PLXNA4: variants seen among roughly 807,000 people sequenced by gnomAD.
The protein encoded by PLXNA4 is plexin A4, also known as plexin-A4.
In PLXNA4, 44 loss-of-function variants were observed where a neutral mutation model predicts 191.8. The ratio of observed to expected loss-of-function variants is 0.23; its 90% CI spans 0.18 to 0.29. PLXNA4 has a LOEUF of 0.29. Ranked by LOEUF, PLXNA4 falls within the 10% of genes least tolerant of loss-of-function variation. PLXNA4 has a pLI of 1.00. For synonymous variants in PLXNA4, 1,082 were observed against 1,009.5 expected (o/e 1.07, Z -1.36); for missense variants, 1,800 against 2,488.8 (o/e 0.72, Z 5.89).
rs1003442351 is a variant in PLXNA4, at chr7:132,126,204, T to A, written c.*4275A>T. The A allele has an allele frequency of 2.0e-5, 3 of 152,418 alleles. No individual in the cohort carries two copies. The highest frequency in any genetic ancestry group is 4.4e-5 in the Non-Finnish European group (3 of 68,244). 9.4% of individuals were successfully genotyped at this position (152,418 alleles called of 1,614,324 possible). On this transcript the variant is annotated 3_prime_UTR_variant, in exon 32 of 32. Coordinates refer to ENST00000321063, the MANE Select transcript of PLXNA4 (RefSeq NM_020911.2). ...CTCTGGAAACAGTGGTAAGGATTCTTCTTGCAGTGGAGGTCATTTGGGAAG... is the reference window on the plus strand; with the variant it reads ...CTCTGGAAACAGTGGTAAGGATTCTACTTGCAGTGGAGGTCATTTGGGAAG...
At chr7:132,178,223 G>T (rs1370209411) in intron 20 of PLXNA4, among the ~76,000 whole-genome samples, 1 of 152,110 alleles carries the variant, frequency 6.6e-6, no homozygotes, top group Non-Finnish European at 1.5e-5. Flanking sequence ...GTCATGTTAA[G>T]ACACCCCCAG....
chr7:132,561,914 A>C (rs192312169), intron 1 of PLXNA4, among the ~76,000 whole-genome samples: 3,109 of 29,448 alleles, frequency 0.11, 5 homozygotes, highest in Non-Finnish European at 0.12. Context: ...TCTCCTCCTT[A>C]TCCTCCTCCT....
At chr7:132,194,213 C>T in intron 13 of PLXNA4, 34 bp from the exon 14 acceptor site, 2 of 1,592,932 alleles carry the variant, frequency 1.3e-6, no homozygotes, top group Non-Finnish European at 1.7e-6. Flanking sequence ...CCATGGGTCA[C>T]AGGACTTCCA....
At chr7:132,265,631 A>T (rs117623808) in intron 4 of PLXNA4, among the ~76,000 whole-genome samples, 3,480 of 152,258 alleles carry the variant, frequency 0.023, 69 homozygotes, top group Middle Eastern at 0.048. Flanking sequence ...GTATTTATGA[A>T]TCCCTGAATC....
chr7:132,190,889 C>T (rs1584820506), intron 14 of PLXNA4, among the ~76,000 whole-genome samples: 1 of 152,126 alleles, frequency 6.6e-6, no homozygotes, highest in Non-Finnish European at 1.5e-5. Context: ...AGCCACTGAG[C>T]GGTGTGATGC....
chr7:132,593,436 G>A (rs1802642275), intron 2 of PLXNA4, among the ~76,000 whole-genome samples: 1 of 152,208 alleles, frequency 6.6e-6, no homozygotes, highest in South Asian at 2.1e-4. Flanking sequence ...CCCTGGGTGT[G>A]TCCATCATGG....
chr7:132,594,769 T>G (rs1436230076), intron 2 of PLXNA4, among the ~76,000 whole-genome samples: 3 of 152,178 alleles, frequency 2.0e-5, no homozygotes, highest in Admixed American at 6.6e-5. Flanking sequence ...GGGACCCTGC[T>G]GGACTCCATC....
chr7:132,408,465 T>C (rs1160778458), intron 3 of PLXNA4, among the ~76,000 whole-genome samples: 1 of 151,876 alleles, frequency 6.6e-6, no homozygotes, highest in East Asian at 1.9e-4. Flanking sequence ...TATTTATTTA[T>C]TTATTTATTT....
intron 1 of PLXNA4, among the ~76,000 whole-genome samples, chr7:132,572,234 T>C (rs1041893790): frequency 2.0e-5 from 3 of 152,218 alleles, no homozygotes; most frequent in African/African-American, 7.2e-5. Context: ...ACAAAGTCTT[T>C]AACCTCCTGC....
At chr7:132,306,528 T>C (rs975311611) in intron 3 of PLXNA4, among the ~76,000 whole-genome samples, 12 of 152,208 alleles carry the variant, frequency 7.9e-5, no homozygotes, top group African/African-American at 9.6e-5. Flanking sequence ...ATTTGGATCA[T>C]AGATATGCAG....
intron 25 of PLXNA4, among the ~76,000 whole-genome samples, chr7:132,152,667 C>T (rs1171107099): frequency 6.6e-6 from 1 of 152,178 alleles, no homozygotes; most frequent in Non-Finnish European, 1.5e-5. Flanking sequence ...CAGCCAATGG[C>T]CAGCATCCTC....
chr7:132,134,185 G>C (rs1038949552), intron 30 of PLXNA4, among the ~76,000 whole-genome samples: 3 of 152,198 alleles, frequency 2.0e-5, no homozygotes, highest in African/African-American at 7.2e-5. Context: ...TGGTGACAAT[G>C]ACAGACCCTG....
chr7:132,361,879 G>A (rs1024390838), intron 3 of PLXNA4, among the ~76,000 whole-genome samples: 2 of 152,108 alleles, frequency 1.3e-5, no homozygotes, highest in Non-Finnish European at 2.9e-5. Flanking sequence ...GTCCTCCTTT[G>A]ATCTTTCAAA....
chr7:132,513,220 C>T lies in PLXNA4; in HGVS notation c.-86-4441G>A, dbSNP rs552796458. Among the ~76,000 whole-genome samples the T allele has an allele frequency of 4.6e-5, 7 of 152,340 alleles. No individual in the cohort carries two copies. The East Asian group carries it at 1.3e-3, about 29-fold the overall frequency. On this transcript the variant is annotated intron_variant, in intron 1 of 31. Transcript: ENST00000321063. The stretch of plus-strand genomic sequence containing the variant: ...AATTTTCATGAAATAGCACCATCCT[C>T]TCAGATTCCTGAGTGGTAGAGAGGA...
intron 4 of PLXNA4, among the ~76,000 whole-genome samples, chr7:132,246,215 G>T (rs1208912517): frequency 1.3e-5 from 2 of 152,200 alleles, no homozygotes; most frequent in African/African-American, 4.8e-5. Flanking sequence ...GGGTCAAAGG[G>T]GAACGGCTTT....
chr7:132,506,592 C>T (rs1798473598), intron 2 of PLXNA4, among the ~76,000 whole-genome samples: 1 of 152,176 alleles, frequency 6.6e-6, no homozygotes, highest in Admixed American at 6.5e-5. Flanking sequence ...AAAGCAGGAC[C>T]ATTGTGAAGA....
chr7:132,508,430 C>T lies in PLXNA4; in HGVS notation c.264G>A (p.Pro88=), dbSNP rs775817962. 2.5e-5 allele frequency: 40 copies of T among 1,614,148 alleles called. No individual in the cohort carries two copies. Among genetic ancestry groups the T allele is most frequent in the Middle Eastern group, 1.6e-4 (1 of 6,062 alleles). The change falls in exon 2 of 32, where the codon CCG becomes CCA. Residue 88 remains proline (P), a synonymous_variant. Transcript: ENST00000321063. The surrounding 1 kb of genome is among the most constrained non-coding windows in gnomAD (Gnocchi z 4.4). ...LKVLVTHETG[P]DEDNPKCYPP... ...GGTAACACTTGGGGTTGTCCTCGTC[C>T]GGCCCTGTCTCATGCGTCACCAAGA...
chr7:132,227,754 G>T, intron 6 of PLXNA4, 150 bp from the exon 7 acceptor site: 1 of 1,025,806 alleles, frequency 9.7e-7, no homozygotes, highest in Non-Finnish European at 1.4e-6. Flanking sequence ...AAGAGACTCA[G>T]GTTATTAGGA....
intron 3 of PLXNA4, among the ~76,000 whole-genome samples, chr7:132,346,808 G>T (rs1489356044): frequency 6.6e-6 from 1 of 152,186 alleles, no homozygotes; most frequent in South Asian, 2.1e-4. Context: ...ATGAGTCCAG[G>T]CTCCTAGAGA....
Sources: allele counts gnomAD v4.1 joint callset (sites outside exome capture counted in the v4.1 genomes callset), GRCh38; gene constraint gnomAD v4.1.1; non-coding constraint Gnocchi (gnomAD v3.1); transcripts MANE v1.5; gene names NCBI Gene and HGNC (gene_info 2026-07-23, HGNC 2026-07-21).